CNR2: variants seen among roughly 807,000 people sequenced by gnomAD.
The protein encoded by CNR2 is cannabinoid receptor 2, also known as cannabinoid receptor 2 (macrophage).
For synonymous variants in CNR2, 172 were observed against 182.2 expected (o/e 0.94, Z 0.45); for missense variants, 379 against 439.9 (o/e 0.86, Z 1.24).
intron 1 of CNR2, among the ~76,000 whole-genome samples, chr1:23,904,585 G>A (rs1250325270): frequency 1.3e-5 from 2 of 152,096 alleles, no homozygotes; most frequent in Admixed American, 6.6e-5. Flanking sequence ...TGACTGATAA[G>A]CATGTGTGGA....
chr1:23,905,761 G>C (rs552290578), intron 1 of CNR2, among the ~76,000 whole-genome samples: 1 of 152,226 alleles, frequency 6.6e-6, no homozygotes, highest in Non-Finnish European at 1.5e-5. Context: ...CCAGACATCT[G>C]GGGAGCTGAT....
rs935108657 is a variant in CNR2, at chr1:23,902,854, G to C, written c.-46+10392C>G. On this transcript the variant is annotated intron_variant, in intron 1 of 1. Transcript: ENST00000374472. ...CGGCCTTCCTGCCCACGGCGGCGCC[G>C]GCGTTGCTGTGGGCTAGGACCGCGG... 4.1e-6 allele frequency: 5 copies of C among 1,220,172 alleles called. No homozygotes were observed. The African/African-American group carries it at 7.9e-5, about 19-fold the overall frequency. 75.6% of individuals were successfully genotyped at this position (1,220,172 alleles called of 1,614,324 possible).
chr1:23,880,815 G>A (rs1639971792), intron 1 of CNR2, among the ~76,000 whole-genome samples: 1 of 150,524 alleles, frequency 6.6e-6, no homozygotes, highest in Non-Finnish European at 1.5e-5. Flanking sequence ...CACGTAAAGT[G>A]CTGGGATCAC....
At chr1:23,911,133 G>A (rs575408000) in intron 1 of CNR2, among the ~76,000 whole-genome samples, 1 of 131,062 alleles carries the variant, frequency 7.6e-6, no homozygotes, top group African/African-American at 2.8e-5. Flanking sequence ...GAACCTGAGC[G>A]CAGTGAGAAG....
In CNR2 at chr1:23,871,555, G is replaced by C. The variant is rs1319021042; in HGVS notation, c.*2980C>G. The C allele has an allele frequency of 6.6e-6, 1 of 152,218 alleles. No homozygotes were observed. The highest frequency in any genetic ancestry group is 1.5e-5 in the Non-Finnish European group (1 of 68,048). The allele number at this position is 152,218 out of a possible 1,614,324, so 9.4% of individuals were successfully genotyped here. A position where few individuals can be genotyped will look rare whatever the true frequency, so the allele number is the denominator to read the frequency against. ...TTGACCAGATCCCTTCAGATGCTCT[G>C]CTGGGTCCTGACTGAGCACTGGGGA... On this transcript the variant is annotated 3_prime_UTR_variant, in exon 2 of 2. Transcript: ENST00000374472.
chr1:23,875,355 G>T lies in CNR2; in HGVS notation c.263C>A (p.Ala88Glu). 1 of 1,614,246 alleles carries T rather than the reference G, an allele frequency of 6.2e-7. No individual in the cohort carries two copies. Among genetic ancestry groups the T allele is most frequent in the Non-Finnish European group, 8.5e-7 (1 of 1,180,050 alleles). Residue 88 changes from alanine (A) to glutamate (E), a missense_variant, in exon 2 of 2, where the codon GCA becomes GAA. Physicochemically the swap from Ala to Glu is moderately radical, Grantham distance 107. Transcript: ENST00000374472. ...AACATGGAAATTCACAAAGCTGCAT[G>T]CAAAGACCACACTGGCCAGGAAGTC... Reference protein sequence around the residue: ...GADFLASVVFACSFVNFHVFH... With the variant: ...GADFLASVVFECSFVNFHVFH...
intron 1 of CNR2, among the ~76,000 whole-genome samples, chr1:23,899,658 T>A (rs2148468172): frequency 6.8e-6 from 1 of 147,960 alleles, no homozygotes; most frequent in Admixed American, 6.9e-5. Flanking sequence ...CCACTAAAAA[T>A]ACAAAAGTTA....
chr1:23,886,934 C>A (rs1484248191), intron 1 of CNR2, among the ~76,000 whole-genome samples: 1 of 152,066 alleles, frequency 6.6e-6, no homozygotes, highest in African/African-American at 2.4e-5. Flanking sequence ...GAGGCAGAGT[C>A]TTGCTCTGTT....
At chr1:23,911,284 G>A (rs567845536) in intron 1 of CNR2, among the ~76,000 whole-genome samples, 19 of 152,120 alleles carry the variant, frequency 1.2e-4, no homozygotes, top group Middle Eastern at 3.4e-3. Context: ...AAGATGGCAG[G>A]ACCTCTGGGG....
At position 23,909,540 on chromosome 1, in the gene CNR2, C is replaced by T. The variant is rs1570725556; in HGVS notation, c.-46+3706G>A. Among the ~76,000 whole-genome samples, 3 of 152,106 alleles carry T rather than the reference C, an allele frequency of 2.0e-5. No individual in the cohort carries two copies. The South Asian group carries it at 6.2e-4, about 32-fold the overall frequency. ...ACATAAGATAATGCCTAAGCACAGT[C>T]AGGGAAGGTCTGTCAGAGATCATCA... On this transcript the variant is annotated intron_variant, in intron 1 of 1. Coordinates refer to ENST00000374472, the MANE Select transcript of CNR2 (RefSeq NM_001841.3).
intron 1 of CNR2, among the ~76,000 whole-genome samples, chr1:23,903,577 C>CAAAAA (rs112143003): frequency 3.8e-5 from 5 of 130,952 alleles, no homozygotes; most frequent in African/African-American, 1.5e-4. Context: ...CAGGCTTTGT[C>CAAAAA]AAAAAAAAAA....
chr1:23,909,635 A>G (rs1168840437), intron 1 of CNR2, among the ~76,000 whole-genome samples: 1 of 152,140 alleles, frequency 6.6e-6, no homozygotes, highest in African/African-American at 2.4e-5. Context: ...ACACCTCACA[A>G]GACTGGATTG....
At position 23,890,414 on chromosome 1, in the gene CNR2, A is replaced by G. The variant is rs191073535; in HGVS notation, c.-45-14752T>C. Among the ~76,000 whole-genome samples the G allele has an allele frequency of 2.2e-4, 34 of 152,158 alleles. No homozygotes were observed. The East Asian group carries it at 6.6e-3, about 29-fold the overall frequency. ...GCCACCACTGAGGACAAACCACCAC[A>G]TTTTGGAAAACTTGTTCAACCTGCA... On this transcript the variant is annotated intron_variant, in intron 1 of 1. Transcript: ENST00000374472.
intron 1 of CNR2, among the ~76,000 whole-genome samples, chr1:23,876,262 A>G (rs1042620422): frequency 4.6e-5 from 7 of 151,696 alleles, no homozygotes; most frequent in African/African-American, 1.2e-4. Flanking sequence ...GCTGGAGTGC[A>G]GTGGTGTGAT....
Position 23,874,893 on chromosome 1 carries a change from C to G in CNR2, c.725G>C (p.Arg242Thr). Residue 242 changes from arginine (R) to threonine (T), a missense_variant, in exon 2 of 2, where the codon AGG (arginine) becomes ACG (threonine). By Grantham distance (71) the Arg-to-Thr change is moderately conservative. Transcript: ENST00000374472. ...CACTAGCCCTAGGGTCTTGGCCAAC[C>G]TCACATCCAGCCTCATTCGGGCCAT... ...PGMARMRLDV[R>T]LAKTLGLVLA... 1 of 1,614,114 alleles carries G rather than the reference C, an allele frequency of 6.2e-7. No individual in the cohort carries two copies. Among genetic ancestry groups the G allele is most frequent in the Non-Finnish European group, 8.5e-7 (1 of 1,179,988 alleles).
At chr1:23,893,388 A>G (rs1043491445) in intron 1 of CNR2, among the ~76,000 whole-genome samples, 9 of 152,222 alleles carry the variant, frequency 5.9e-5, no homozygotes, top group Non-Finnish European at 1.2e-4. Context: ...TCGGCCACTG[A>G]TAGGCTGTGT....
intron 1 of CNR2, among the ~76,000 whole-genome samples, chr1:23,878,069 G>C (rs1216578137): frequency 1.3e-5 from 2 of 152,124 alleles, no homozygotes; most frequent in Admixed American, 6.6e-5. Context: ...GAAGGATTGA[G>C]TAAAAATGTT....
chr1:23,881,525 G>C (rs987145618), intron 1 of CNR2, among the ~76,000 whole-genome samples: 1 of 150,982 alleles, frequency 6.6e-6, no homozygotes, highest in Non-Finnish European at 1.5e-5. Context: ...CCTAGGAGGC[G>C]GAGGCTGCAA....
At chr1:23,879,834 A>C (rs895466369) in intron 1 of CNR2, among the ~76,000 whole-genome samples, 1 of 152,110 alleles carries the variant, frequency 6.6e-6, no homozygotes, top group African/African-American at 2.4e-5. Flanking sequence ...ATCTAGTTTC[A>C]ACATAGCAGT....
Sources: gnomAD v4.1 joint callset for allele counts (sites outside exome capture counted in the v4.1 genomes callset) on GRCh38, gnomAD v4.1.1 for gene constraint, MANE v1.5 for transcripts, NCBI Gene and HGNC (gene_info 2026-07-23, HGNC 2026-07-21) for gene names.